COQ2: variants seen among roughly 807,000 people sequenced by gnomAD.
COQ2 encodes the protein 4-hydroxybenzoate polyprenyltransferase, mitochondrial.
A neutral mutation model predicts 35.7 loss-of-function variants in COQ2; 25 were observed. The ratio of observed to expected loss-of-function variants is 0.70; its 90% CI spans 0.51 to 0.98. The LOEUF (loss-of-function observed/expected upper bound fraction) is 0.98, where lower values mean the gene tolerates loss of function less well. Among genes scored for constraint, COQ2 ranks in the 50% least tolerant of loss-of-function variants. COQ2 has a pLI of 0.00. For synonymous variants in COQ2, 206 were observed against 186.2 expected (o/e 1.11, Z -0.86); for missense variants, 488 against 473.5 (o/e 1.03, Z -0.28).
At chr4:83,271,883 G>C (rs1210781457) in intron 4 of COQ2, among the ~76,000 whole-genome samples, 1 of 152,002 alleles carries the variant, frequency 6.6e-6, no homozygotes, top group Non-Finnish European at 1.5e-5. Flanking sequence ...AAATAATGAT[G>C]ATGATGATAA....
rs1200266145 is a variant in COQ2, at chr4:83,284,492, G to A, written c.253+20C>T. The A allele has an allele frequency of 2.6e-6, 4 of 1,535,070 alleles. No individual in the cohort carries two copies. The highest frequency in any genetic ancestry group is 1.4e-5 in the African/African-American group (1 of 71,318). On this transcript the variant is annotated intron_variant, in intron 1 of 6. Transcript: ENST00000647002. ...GCTGCTACTTGCAAATTCCCGGGCTGCCCGCCCGCCCGCACTCACCAATGG... is the reference window on the plus strand; with the variant it reads ...GCTGCTACTTGCAAATTCCCGGGCTACCCGCCCGCCCGCACTCACCAATGG...
chr4:83,283,480 A>G (rs1735377133), intron 1 of COQ2: 10 of 985,478 alleles, frequency 1.0e-5, no homozygotes, highest in Non-Finnish European at 1.2e-5. Flanking sequence ...TTCCCGCACT[A>G]AGATCTCTTC....
intron 1 of COQ2, among the ~76,000 whole-genome samples, chr4:83,282,278 A>G (rs1171210308): frequency 6.6e-6 from 1 of 152,204 alleles, no homozygotes; most frequent in Non-Finnish European, 1.5e-5. Context: ...ATTTGAAAGA[A>G]GCTGTATTGC....
chr4:83,279,204 G>T, intron 1 of COQ2, 90 bp from the exon 2 acceptor site: 2 of 1,395,502 alleles, frequency 1.4e-6, no homozygotes, highest in Non-Finnish European at 1.9e-6. Context: ...AAGAAATAAA[G>T]AACACTATAA....
rs187170582 is a variant in COQ2, at chr4:83,279,211, A to C, written c.254-97T>G. 4.4e-6 allele frequency: 6 copies of C among 1,359,000 alleles called. No homozygotes were observed. In the African/African-American group the frequency reaches 9.1e-5, roughly 21 times the overall value. 84.2% of individuals were successfully genotyped at this position (1,359,000 alleles called of 1,614,324 possible). ...ACATACCAAAGAAATAAAGAACACT[A>C]TAAGTCAAAAAAACAAATGACAAAA... is the stretch of plus-strand genomic sequence containing the variant. On this transcript the variant is annotated intron_variant, in intron 1 of 6. Coordinates refer to ENST00000647002, the MANE Select transcript of COQ2 (RefSeq NM_001358921.2).
chr4:83,272,291 A>G (rs1457996134), intron 3 of COQ2, 119 bp from the exon 4 acceptor site: 2 of 539,902 alleles, frequency 3.7e-6, no homozygotes, highest in East Asian at 7.1e-5. Flanking sequence ...CTTAAATTAT[A>G]TTTTATGTAA....
At chr4:83,274,171 A>AT (rs1292546520) in intron 2 of COQ2, among the ~76,000 whole-genome samples, 15 of 151,934 alleles carry the variant, frequency 9.9e-5, no homozygotes, top group Admixed American at 9.8e-4. Flanking sequence ...AAATAAATAA[A>AT]AAACAAAGCA....
intron 6 of COQ2, among the ~76,000 whole-genome samples, chr4:83,265,394 GC>G (rs920564674): frequency 1.4e-4 from 21 of 152,028 alleles, no homozygotes; most frequent in Non-Finnish European, 2.8e-4. Flanking sequence ...ACATGGCGAA[GC>G]CCCGTCTCTA....
At chr4:83,282,651 G>A in intron 1 of COQ2, 1 of 364,388 alleles carries the variant, frequency 2.7e-6, no homozygotes, top group Non-Finnish European at 3.8e-6. Context: ...CACATATTAT[G>A]ACAGGCACTG....
At chr4:83,267,337 A>T (rs1397870346) in intron 6 of COQ2, 1 of 425,070 alleles carries the variant, frequency 2.4e-6, no homozygotes, top group Non-Finnish European at 4.3e-6. Flanking sequence ...TGATTGCACC[A>T]CTGCACTCCA....
chr4:83,284,462 C>T (rs751232484), intron 1 of COQ2, 50 bp downstream of exon 1: 6 of 1,519,774 alleles, frequency 3.9e-6, no homozygotes, highest in African/African-American at 1.4e-5. Context: ...GGAGCCGACT[C>T]GGAGGCTGCT....
chr4:83,285,024 ATTGACT>A (rs1444284909), upstream of COQ2: 14 of 783,596 alleles, frequency 1.8e-5, no homozygotes, highest in Admixed American at 2.1e-4. Context: ...CTCGATCTTG[ATTGACT>A]TTGTGGTTCC....
intron 4 of COQ2, among the ~76,000 whole-genome samples, chr4:83,270,316 A>G (rs779286987): frequency 6.6e-6 from 1 of 152,178 alleles, no homozygotes; most frequent in Non-Finnish European, 1.5e-5. Context: ...CACTACCAAT[A>G]ACAGAAGATG....
chr4:83,265,324 C>T (rs1734887690), intron 6 of COQ2, among the ~76,000 whole-genome samples: 1 of 152,102 alleles, frequency 6.6e-6, no homozygotes, highest in South Asian at 2.1e-4. Context: ...AATCCCAGCA[C>T]TTTGGGAGGC....
rs773212782 is a variant in COQ2 at position 83,269,899 on chromosome 4, A to G, written c.723T>C (p.Val241=). 8.7e-6 allele frequency: 14 copies of G among 1,611,698 alleles called. No homozygotes were observed. In the Admixed American group the frequency reaches 2.3e-4, roughly 27 times the overall value. Residue 241 remains valine (V), a synonymous_variant, in exon 5 of 7, where the codon GTT becomes GTC. Transcript: ENST00000647002. ...SVCLPLYFSG[V]MWTLIYDTIY... is the part of the protein sequence containing the mutation. ...TAGTATCATATATTAGTGTCCACAT[A>G]ACTCCAGAAAAATAAAGAGGCAGGC...
chr4:83,265,581 AAACAACAACAAC>A (rs144320009), intron 6 of COQ2, among the ~76,000 whole-genome samples: 7 of 151,662 alleles, frequency 4.6e-5, no homozygotes, highest in Middle Eastern at 3.4e-3. Flanking sequence ...GTTTCAAAAC[AAACAACAACAAC>A]AACAACAACA....
rs1312419745 is a variant in COQ2 at position 83,264,277 on chromosome 4, C to A, written c.1038G>T (p.Gly346=). ...NRTLGLIVFL[G]IVLGNLWKEK... ...CTTTCCACAAATTCCCAAGGACAAT[C>A]CCTAAAAAAACTATTAGTCCCAGTG... Residue 346 remains glycine, a synonymous_variant, in exon 7 of 7, where the codon GGG becomes GGT. Coordinates refer to ENST00000647002, the MANE Select transcript of COQ2 (RefSeq NM_001358921.2). 6.2e-6 allele frequency: 10 copies of A among 1,611,842 alleles called. No individual in the cohort carries two copies. In the Admixed American group the frequency reaches 1.7e-4, roughly 27 times the overall value.
chr4:83,271,207 G>A (rs971949479), intron 4 of COQ2, among the ~76,000 whole-genome samples: 1 of 152,066 alleles, frequency 6.6e-6, no homozygotes, highest in African/African-American at 2.4e-5. Context: ...TACCTACACC[G>A]CACCAAGTGC....
chr4:83,284,874 G>GC, upstream of COQ2: 3 of 1,528,170 alleles, frequency 2.0e-6, no homozygotes, highest in Non-Finnish European at 2.6e-6. Context: ...GGCGGTGTGG[G>GC]CAGAACCTTT....
Sources: allele counts gnomAD v4.1 joint callset (sites outside exome capture counted in the v4.1 genomes callset), GRCh38; gene constraint gnomAD v4.1.1; transcripts MANE v1.5; gene names NCBI Gene and HGNC (gene_info 2026-07-23, HGNC 2026-07-21).